OR51B5: variants seen among roughly 807,000 people sequenced by gnomAD.
OR51B5 encodes olfactory receptor 51B5.
For missense variants in OR51B5, 456 were observed against 374.6 expected (o/e 1.22, Z -1.79); for synonymous variants, 186 against 144.8 (o/e 1.28, Z -2.04).
intron 1 of OR51B5, among the ~76,000 whole-genome samples, chr11:5,458,704 T>C (rs538592882): frequency 6.6e-6 from 1 of 152,156 alleles, no homozygotes; most frequent in African/African-American, 2.4e-5. Context: ...AGGTATTTTA[T>C]TCTTTTTGTA....
At chr11:5,395,119 C>G (rs1319556238) in intron 1 of OR51B5, among the ~76,000 whole-genome samples, 1 of 152,172 alleles carries the variant, frequency 6.6e-6, no homozygotes, top group African/African-American at 2.4e-5. Context: ...AACTGGGCAT[C>G]TCAAATGCTT....
chr11:5,377,883 T>A (rs1228715621), intron 1 of OR51B5, among the ~76,000 whole-genome samples: 1 of 152,076 alleles, frequency 6.6e-6, no homozygotes, highest in Non-Finnish European at 1.5e-5. Flanking sequence ...ATGGCCATAA[T>A]GCCCAAGGTA....
intron 1 of OR51B5, chr11:5,352,227 C>G (rs539691387): frequency 6.2e-7 from 1 of 1,614,166 alleles, no homozygotes; most frequent in South Asian, 1.1e-5. Context: ...ACACATGTGT[C>G]TCTCATATCT....
At chr11:5,386,826 G>A (rs1043851779) in intron 1 of OR51B5, among the ~76,000 whole-genome samples, 2 of 130,544 alleles carry the variant, frequency 1.5e-5, no homozygotes, top group Admixed American at 7.7e-5. Flanking sequence ...GAGGGAGAGG[G>A]TTGAGTAGAG....
intron 1 of OR51B5, among the ~76,000 whole-genome samples, chr11:5,368,208 T>C (rs1243236655): frequency 3.9e-5 from 6 of 152,220 alleles, no homozygotes; most frequent in Admixed American, 3.9e-4. Flanking sequence ...TGAAACCTAT[T>C]GTTTCATGCT....
At chr11:5,365,442 G>C (rs1849349252) in intron 1 of OR51B5, among the ~76,000 whole-genome samples, 1 of 152,186 alleles carries the variant, frequency 6.6e-6, no homozygotes. Context: ...GCTGTGGAGA[G>C]ATGCATTTAG....
chr11:5,452,599 G>T (rs1301248068), intron 1 of OR51B5, among the ~76,000 whole-genome samples: 1 of 137,444 alleles, frequency 7.3e-6, no homozygotes, highest in East Asian at 2.1e-4. Flanking sequence ...TACGAGATAT[G>T]GAGATATGGA....
At chr11:5,403,004 C>A (rs763031617) in intron 1 of OR51B5, 6 of 471,410 alleles carry the variant, frequency 1.3e-5, no homozygotes, top group Middle Eastern at 3.2e-4. Context: ...CTGAGCTACA[C>A]AGCTATCCTG....
At chr11:5,422,273 T>C in intron 1 of OR51B5, 1 of 1,614,130 alleles carries the variant, frequency 6.2e-7, no homozygotes, top group South Asian at 1.1e-5. Flanking sequence ...ATTTGAGGCC[T>C]CCCACATCTG....
At chr11:5,504,715 C>T (rs1254148758) in intron 1 of OR51B5, among the ~76,000 whole-genome samples, 1 of 152,166 alleles carries the variant, frequency 6.6e-6, no homozygotes, top group African/African-American at 2.4e-5. Context: ...CTAACTTAGT[C>T]ACTCATTGTT....
intron 1 of OR51B5, among the ~76,000 whole-genome samples, chr11:5,445,412 A>G (rs749780305): frequency 3.3e-5 from 5 of 152,118 alleles, no homozygotes; most frequent in Non-Finnish European, 7.4e-5. Context: ...CATGTAACAA[A>G]TTCCTTATGC....
At chr11:5,498,748 G>A (rs1444072204) in intron 1 of OR51B5, among the ~76,000 whole-genome samples, 1 of 152,138 alleles carries the variant, frequency 6.6e-6, no homozygotes. Flanking sequence ...GCATTCAATA[G>A]AACTTTCGTG....
chr11:5,368,436 C>G (rs1176426978), intron 1 of OR51B5, among the ~76,000 whole-genome samples: 1 of 150,164 alleles, frequency 6.7e-6, no homozygotes, highest in Non-Finnish European at 1.5e-5. Flanking sequence ...AGTGCCTGGT[C>G]CATTGTAAGT....
At chr11:5,505,315 A>G (rs955581433) in intron 1 of OR51B5, 17 of 1,302,862 alleles carry the variant, frequency 1.3e-5, no homozygotes, top group African/African-American at 1.5e-5. Flanking sequence ...TTCAATGTAT[A>G]TCTTCCCCAG....
chr11:5,424,729 C>T (rs1323540509), intron 1 of OR51B5, among the ~76,000 whole-genome samples: 1 of 150,862 alleles, frequency 6.6e-6, no homozygotes, highest in African/African-American at 2.4e-5. Flanking sequence ...CGCCTGTAAT[C>T]CCAGCACTTT....
intron 1 of OR51B5, chr11:5,390,411 A>G (rs765328025): frequency 2.0e-6 from 3 of 1,516,560 alleles, no homozygotes; most frequent in African/African-American, 1.4e-5. Context: ...CTAGAGGCCT[A>G]TAAGAAGGCC....
intron 1 of OR51B5, among the ~76,000 whole-genome samples, chr11:5,382,162 A>G (rs988647548): frequency 6.6e-6 from 1 of 152,158 alleles, no homozygotes; most frequent in Non-Finnish European, 1.5e-5. Flanking sequence ...GCCTACCTCT[A>G]CTGTTTTATT....
At chr11:5,454,313 C>T (rs370553102) in intron 1 of OR51B5, 153 of 1,614,172 alleles carry the variant, frequency 9.5e-5, no homozygotes, top group Admixed American at 3.0e-4. Context: ...TACATGTCCT[C>T]ATGTCAAATG....
chr11:5,468,302 T>C (rs919710729), intron 1 of OR51B5, among the ~76,000 whole-genome samples: 2 of 152,220 alleles, frequency 1.3e-5, no homozygotes, highest in East Asian at 1.9e-4. Context: ...AATTACAACA[T>C]AGGGCAGCCT....
Sources: allele counts gnomAD v4.1 joint callset (sites outside exome capture counted in the v4.1 genomes callset), GRCh38; gene constraint gnomAD v4.1.1; transcripts MANE v1.5; gene names NCBI Gene and HGNC (gene_info 2026-07-23, HGNC 2026-07-21).